TULP4: variants seen among roughly 807,000 people sequenced by gnomAD.
TULP4 encodes the protein tubby-related protein 4.
A neutral mutation model predicts 129.0 loss-of-function variants in TULP4; 16 were observed. The ratio of observed to expected loss-of-function variants is 0.12; its 90% CI spans 0.08 to 0.19. The LOEUF (loss-of-function observed/expected upper bound fraction) is 0.19, where lower values mean the gene tolerates loss of function less well. TULP4 is among the 10% of genes least tolerant of loss of function. The pLI, the probability that TULP4 is intolerant of heterozygous loss-of-function variation, is 1.00. For synonymous variants in TULP4, 998 were observed against 854.0 expected, an observed-to-expected ratio of 1.17 and a Z score of -2.94; for missense variants, 1,842 against 2,059.1, an observed-to-expected ratio of 0.89 and a Z score of 2.04.
upstream of TULP4, among the ~76,000 whole-genome samples, chr6:158,282,100 G>A (rs187651464): frequency 1.8e-4 from 28 of 152,112 alleles, no homozygotes; most frequent in Admixed American, 1.7e-3. Context: ...TATTTTGTAT[G>A]TGCTTTTAAT....
chr6:158,352,315 G>A (rs1348118188), intron 1 of TULP4, among the ~76,000 whole-genome samples: 1 of 152,072 alleles, frequency 6.6e-6, no homozygotes, highest in African/African-American at 2.4e-5. Flanking sequence ...GATATAAAGT[G>A]GTTTATCAAG....
At chr6:158,371,209 T>C (rs1777061854) in intron 1 of TULP4, among the ~76,000 whole-genome samples, 1 of 151,690 alleles carries the variant, frequency 6.6e-6, no homozygotes, top group African/African-American at 2.4e-5. Flanking sequence ...GAGAGGAGAG[T>C]GAGAGGTTTG....
At chr6:158,301,595 AACAG>A (rs1451947639) in intron 1 of TULP4, among the ~76,000 whole-genome samples, 21 of 152,208 alleles carry the variant, frequency 1.4e-4, no homozygotes, top group African/African-American at 4.8e-4. Context: ...GGTCCAGATA[AACAG>A]ACAAAGTTTT....
intron 1 of TULP4, among the ~76,000 whole-genome samples, chr6:158,348,726 G>T (rs1780380793): frequency 6.6e-6 from 1 of 151,900 alleles, no homozygotes; most frequent in East Asian, 1.9e-4. Context: ...AGATGGGGCG[G>T]CTGGGCAGAG....
intron 6 of TULP4, among the ~76,000 whole-genome samples, chr6:158,477,029 G>A (rs935703581): frequency 6.6e-6 from 1 of 152,104 alleles, no homozygotes; most frequent in Non-Finnish European, 1.5e-5. Context: ...AGAGTAGAAC[G>A]GATGCAGTGA....
At chr6:158,333,802 T>C (rs1031474412) in intron 1 of TULP4, among the ~76,000 whole-genome samples, 2 of 152,182 alleles carry the variant, frequency 1.3e-5, no homozygotes, top group Non-Finnish European at 2.9e-5. Flanking sequence ...CCCTAAAATA[T>C]ATACAAATTT....
chr6:158,346,344 G>T (rs997848235), intron 1 of TULP4, among the ~76,000 whole-genome samples: 1 of 152,174 alleles, frequency 6.6e-6, no homozygotes, highest in African/African-American at 2.4e-5. Flanking sequence ...CACAATTTAT[G>T]TTCCTCTGCC....
At chr6:158,399,148 CT>C (rs1231663803) in intron 1 of TULP4, among the ~76,000 whole-genome samples, 1 of 152,144 alleles carries the variant, frequency 6.6e-6, no homozygotes, top group Non-Finnish European at 1.5e-5. Flanking sequence ...TATTTTAGGA[CT>C]TTTGAAGTAA....
At position 158,504,092 on chromosome 6, in the gene TULP4, G is replaced by T; in HGVS notation, c.4429G>T (p.Ala1477Ser). The T allele has an allele frequency of 6.2e-7, 1 of 1,608,634 alleles. No individual in the cohort carries two copies. The highest frequency in any genetic ancestry group is 8.5e-7 in the Non-Finnish European group (1 of 1,177,846). The change falls in exon 13 of 14, where the codon GCC becomes TCC. Residue 1477 changes from alanine (A) to serine (S), a missense_variant. Physicochemically the swap from Ala to Ser is moderately conservative, Grantham distance 99. Around this residue, in one of 5 missense-constraint regions of TULP4, gnomAD observed 47 missense variants for 104.0 expected, o/e 0.45. Coordinates refer to ENST00000367097, the MANE Select transcript of TULP4 (RefSeq NM_020245.5). ...MANKQPLWNE[A>S]TQVYQLDFGG... The stretch of plus-strand genomic sequence containing the variant: ...CAACAAGCAGCCGCTGTGGAACGAG[G>T]CCACCCAGGTCTACCAGCTGGACTT...
chr6:158,501,467 C>T (rs1780442040), intron 12 of TULP4, among the ~76,000 whole-genome samples: 1 of 152,118 alleles, frequency 6.6e-6, no homozygotes, highest in Non-Finnish European at 1.5e-5. Context: ...CTGACAGTAC[C>T]CTTAGCTAAC....
At chr6:158,468,809 A>G (rs886885798) in intron 6 of TULP4, among the ~76,000 whole-genome samples, 2 of 152,188 alleles carry the variant, frequency 1.3e-5, no homozygotes, top group Admixed American at 6.5e-5. Context: ...CGCTCCATAG[A>G]TGGCGCCTTG....
At chr6:158,487,313 A>C (rs1407984068) in intron 8 of TULP4, among the ~76,000 whole-genome samples, 1 of 151,798 alleles carries the variant, frequency 6.6e-6, no homozygotes, top group Non-Finnish European at 1.5e-5. Flanking sequence ...GGCAGCATGC[A>C]TCTGTAGTCC....
chr6:158,266,590 G>T (rs1383921612), intron 1 of TULP4, among the ~76,000 whole-genome samples: 1 of 152,042 alleles, frequency 6.6e-6, no homozygotes, highest in Non-Finnish European at 1.5e-5. Context: ...AAAGTATATA[G>T]TTGGCTCTAC....
At chr6:158,242,547 C>T (rs1247113454) in intron 1 of TULP4, 1 of 744,886 alleles carries the variant, frequency 1.3e-6, no homozygotes, top group Non-Finnish European at 2.5e-6. Context: ...ATTCTCAATT[C>T]TGTTGAGCCT....
At chr6:158,288,428 G>C (rs1778866428) in intron 1 of TULP4, among the ~76,000 whole-genome samples, 1 of 151,888 alleles carries the variant, frequency 6.6e-6, no homozygotes, top group Non-Finnish European at 1.5e-5. Context: ...GTTTGCTATA[G>C]ATTGTAGGTA....
At chr6:158,292,232 A>C (rs1778955463) in intron 1 of TULP4, among the ~76,000 whole-genome samples, 1 of 152,228 alleles carries the variant, frequency 6.6e-6, no homozygotes, top group Non-Finnish European at 1.5e-5. Context: ...CAAAGTCTCG[A>C]TATCTGATAG....
intron 6 of TULP4, among the ~76,000 whole-genome samples, chr6:158,477,934 G>A (rs1779859452): frequency 6.6e-6 from 1 of 152,024 alleles, no homozygotes; most frequent in Non-Finnish European, 1.5e-5. Context: ...CCATAAAAAA[G>A]AACAAGATCA....
At chr6:158,300,093 T>C (rs917137570) in intron 1 of TULP4, among the ~76,000 whole-genome samples, 2 of 152,164 alleles carry the variant, frequency 1.3e-5, no homozygotes, top group Non-Finnish European at 1.5e-5. Flanking sequence ...TCGGCACAGA[T>C]CTCACCAGGT....
intron 1 of TULP4, among the ~76,000 whole-genome samples, chr6:158,298,192 CT>C (rs1349309824): frequency 6.6e-6 from 1 of 152,106 alleles, no homozygotes; most frequent in Non-Finnish European, 1.5e-5. Context: ...TTATTCTGTT[CT>C]TTTTCAAGGT....
Sources: allele counts gnomAD v4.1 joint callset (sites outside exome capture counted in the v4.1 genomes callset), GRCh38; gene constraint gnomAD v4.1.1; regional missense constraint gnomAD v4.1.1; transcripts MANE v1.5; gene names NCBI Gene and HGNC (gene_info 2026-07-23, HGNC 2026-07-21).